The following PHPT1 variants were observed in gnomAD, a reference collection of about 807,000 sequenced individuals.
PHPT1 encodes the protein phosphohistidine phosphatase 1.
A neutral mutation model predicts 15.6 loss-of-function variants in PHPT1; 16 were observed. That is an observed-to-expected ratio of 1.03 (90% confidence interval 0.70 to 1.56). The LOEUF (loss-of-function observed/expected upper bound fraction) is 1.56, where lower values mean the gene tolerates loss of function less well. PHPT1 is among the 40% of genes most tolerant of loss of function. The probability of loss-of-function intolerance (pLI) is 0.00; values close to 1 mark genes in which losing one functional copy is unlikely to be tolerated. For synonymous variants in PHPT1, 102 were observed against 68.1 expected (o/e 1.50, Z -2.45); for missense variants, 228 against 171.0 (o/e 1.33, Z -1.86).
At chr9:136,849,638 G>T in intron 1 of PHPT1, 48 bp downstream of exon 1, 1 of 1,445,626 alleles carries the variant, frequency 6.9e-7, no homozygotes, top group South Asian at 1.3e-5. Context: ...TGGCGAGGCG[G>T]GGGCGGGGCT....
rs1564382956 is a variant in PHPT1, at chr9:136,850,831, C to T, written c.362C>T (p.Ala121Val). 2 of 1,612,732 alleles carry T rather than the reference C, an allele frequency of 1.2e-6. No individual in the cohort carries two copies. Among genetic ancestry groups the T allele is most frequent in the Non-Finnish European group, 1.7e-6 (2 of 1,179,656 alleles). ...AKYPDYEVTW[A>V]NDGY ...TACCCCGACTACGAGGTCACCTGGGCTAACGACGGCTACTGAGCACTCCCA... is the reference window on the plus strand; with the variant it reads ...TACCCCGACTACGAGGTCACCTGGGTTAACGACGGCTACTGAGCACTCCCA... The change falls in exon 3 of 3, where the codon GCT becomes GTT. Residue 121 changes from alanine to valine, a missense_variant. By Grantham distance (64) the Ala-to-Val change is moderately conservative. Transcript: ENST00000247665.
At chr9:136,850,520 C>T (rs1016374763) in intron 2 of PHPT1, 5 of 1,611,948 alleles carry the variant, frequency 3.1e-6, no homozygotes, top group Middle Eastern at 1.7e-4. Flanking sequence ...GACCCACGTG[C>T]GTCCCTCTGG....
intron 2 of PHPT1, 52 bp from the exon 3 acceptor site, chr9:136,850,703 G>A: frequency 2.0e-6 from 3 of 1,533,880 alleles, no homozygotes; most frequent in Non-Finnish European, 2.7e-6. Flanking sequence ...CCAGAGCCGG[G>A]TATCGGGTTG....
At chr9:136,850,633 C>A in intron 2 of PHPT1, 122 bp from the exon 3 acceptor site, 3 of 1,513,610 alleles carry the variant, frequency 2.0e-6, no homozygotes, top group Non-Finnish European at 2.7e-6. Context: ...GGTTTGGCAT[C>A]CCCAGGCACT....
At chr9:136,849,813 C>A (rs1848860675) in intron 1 of PHPT1, 200 bp from the exon 2 acceptor site, 6 of 712,716 alleles carry the variant, frequency 8.4e-6, no homozygotes, top group Non-Finnish European at 1.1e-5. Context: ...GACACCCTCC[C>A]CAGCAGTCTC....
chr9:136,850,533 G>A (rs370032563), intron 2 of PHPT1: 7 of 1,612,012 alleles, frequency 4.3e-6, no homozygotes, highest in South Asian at 1.1e-5. Context: ...CCCTCTGGGC[G>A]CCTCAGGCCC....
In PHPT1 at chr9:136,850,116, T is replaced by A; in HGVS notation, c.264T>A (p.Ile88=). ...RISHQSQDKK[I]HVYGYSMAYG... ...CCCACCAGAGTCAGGACAAGAAGAT[T>A]CACGTGTACGGCTATTCCATGGTGA... Residue 88 remains isoleucine (I), a synonymous_variant, in exon 2 of 3, where the codon ATT becomes ATA. Transcript: ENST00000247665. 6.2e-7 allele frequency: 1 copy of A among 1,613,102 alleles called. No individual in the cohort carries two copies. The highest frequency in any genetic ancestry group is 8.5e-7 in the Non-Finnish European group (1 of 1,179,900).
intron 1 of PHPT1, 111 bp downstream of exon 1, chr9:136,849,701 G>T (rs1040065116): frequency 7.3e-6 from 5 of 684,170 alleles, no homozygotes; most frequent in Admixed American, 8.4e-5. Flanking sequence ...CGGGGCGGGG[G>T]CGGGGCTGCG....
Position 136,850,126 on chromosome 9 carries a change from G to C in PHPT1, c.274G>C (p.Gly92Arg), listed in dbSNP as rs1335464090. 1 of 1,613,032 alleles carries C rather than the reference G, an allele frequency of 6.2e-7. No homozygotes were observed. Among genetic ancestry groups the C allele is most frequent in the African/African-American group, 1.3e-5 (1 of 74,932 alleles). Residue 92 changes from glycine to arginine, a missense_variant, in exon 2 of 3, where the codon GGC becomes CGC. Gly to Arg is a moderately radical substitution (Grantham distance 125). Transcript: ENST00000247665. ...QSQDKKIHVY[G>R]YSMAYGPAQH... ...TCAGGACAAGAAGATTCACGTGTAC[G>C]GCTATTCCATGGTGAGCCGCAGCCC...
chr9:136,850,628 G>C lies in PHPT1; in HGVS notation c.286-127G>C, dbSNP rs1588388127. 5 of 1,514,000 alleles carry C rather than the reference G, an allele frequency of 3.3e-6. No homozygotes were observed. In the African/African-American group the frequency reaches 6.8e-5, roughly 21 times the overall value. 93.8% of individuals were successfully genotyped at this position (1,514,000 alleles called of 1,614,324 possible). A position where few individuals can be genotyped will look rare whatever the true frequency, so the allele number is the denominator to read the frequency against. ...CAAGGGCGGTCGGGATGGTGGGTTT[G>C]GCATCCCCAGGCACTGCCTATCCCT... On this transcript the variant is annotated intron_variant, in intron 2 of 2. Coordinates refer to ENST00000247665, the MANE Select transcript of PHPT1 (RefSeq NM_014172.6).
chr9:136,849,713 G>C (rs887676348), intron 1 of PHPT1, 123 bp downstream of exon 1: 4 of 809,220 alleles, frequency 4.9e-6, no homozygotes, highest in Non-Finnish European at 7.1e-6. Flanking sequence ...GGGGCTGCGG[G>C]CCGTAGCGGA....
rs887313973 is a variant in PHPT1 at position 136,850,885 on chromosome 9, C to T, written c.*38C>T. 19 of 1,468,746 alleles carry T rather than the reference C, an allele frequency of 1.3e-5. No individual in the cohort carries two copies. Among genetic ancestry groups the T allele is most frequent in the Non-Finnish European group, 1.8e-5 (19 of 1,048,698 alleles). 91.0% of individuals were successfully genotyped at this position (1,468,746 alleles called of 1,614,324 possible). A position where few individuals can be genotyped will look rare whatever the true frequency, so the allele number is the denominator to read the frequency against. ...CGGGGCCTGCTGCCTCCAGCAGCCA[C>T]TTCAGAGCCCCCGCCTTTGCCTGCA... is the stretch of plus-strand genomic sequence containing the variant. On this transcript the variant is annotated 3_prime_UTR_variant, in exon 3 of 3. Coordinates refer to ENST00000247665, the MANE Select transcript of PHPT1 (RefSeq NM_014172.6).
Position 136,849,461 on chromosome 9 carries a change from G to A in PHPT1, c.31G>A (p.Asp11Asn), listed in dbSNP as rs1170616635. 3.1e-6 allele frequency: 5 copies of A among 1,610,974 alleles called. No individual in the cohort carries two copies. Among genetic ancestry groups the A allele is most frequent in the Non-Finnish European group, 3.4e-6 (4 of 1,179,108 alleles). MAVADLALIP[D>N]VDIDSDGVFK... ...GGTGGCGGACCTCGCTCTCATTCCT[G>A]ATGTGGACATCGACTCCGACGGCGT... is the stretch of plus-strand genomic sequence containing the variant. Residue 11 changes from aspartate to asparagine, a missense_variant, in exon 1 of 3, where the codon GAT (aspartate) becomes AAT (asparagine). By Grantham distance (23) the Asp-to-Asn change is conservative. Coordinates refer to ENST00000247665, the MANE Select transcript of PHPT1 (RefSeq NM_014172.6).
At chr9:136,849,673 A>C in intron 1 of PHPT1, 83 bp downstream of exon 1, 1 of 114,922 alleles carries the variant, frequency 8.7e-6, no homozygotes, top group Non-Finnish European at 1.3e-5. Flanking sequence ...GGGGCTGACG[A>C]GGCAGGGGCG....
At chr9:136,850,279 C>G in intron 2 of PHPT1, 142 bp downstream of exon 2, 1 of 1,079,186 alleles carries the variant, frequency 9.3e-7, no homozygotes, top group Non-Finnish European at 1.4e-6. Flanking sequence ...AGAGCCCTCC[C>G]TCCAGGGCCC....
rs748046449 is a variant in PHPT1, at chr9:136,850,866, C to G, written c.*19C>G. On this transcript the variant is annotated 3_prime_UTR_variant, in exon 3 of 3. Transcript: ENST00000247665. ...CTACTGAGCACTCCCAGCCCGGGGCCTGCTGCCTCCAGCAGCCACTTCAGA... is the reference window on the plus strand; with the variant it reads ...CTACTGAGCACTCCCAGCCCGGGGCGTGCTGCCTCCAGCAGCCACTTCAGA... 1 of 1,586,084 alleles carries G rather than the reference C, an allele frequency of 6.3e-7. No individual in the cohort carries two copies. Among genetic ancestry groups the G allele is most frequent in the African/African-American group, 1.3e-5 (1 of 74,386 alleles).
chr9:136,849,943 C>T (rs1332903708), intron 1 of PHPT1, 70 bp from the exon 2 acceptor site: 2 of 1,517,444 alleles, frequency 1.3e-6, no homozygotes, highest in Non-Finnish European at 1.8e-6. Flanking sequence ...CAGACCCCTT[C>T]GGCTGGGAGT....
At position 136,849,467 on chromosome 9, in the gene PHPT1, G is replaced by C; in HGVS notation, c.37G>C (p.Asp13His). Residue 13 changes from aspartate (D) to histidine (H), a missense_variant, in exon 1 of 3, where the codon GAC becomes CAC. By Grantham distance (81) the Asp-to-His change is moderately conservative. Coordinates refer to ENST00000247665, the MANE Select transcript of PHPT1 (RefSeq NM_014172.6). ...VADLALIPDV[D>H]IDSDGVFKYV... ...GGACCTCGCTCTCATTCCTGATGTG[G>C]ACATCGACTCCGACGGCGTCTTCAA... 1 of 1,611,114 alleles carries C rather than the reference G, an allele frequency of 6.2e-7. No individual in the cohort carries two copies. The highest frequency in any genetic ancestry group is 1.1e-5 in the South Asian group (1 of 90,770).
chr9:136,849,933 C>A, intron 1 of PHPT1, 80 bp from the exon 2 acceptor site: 1 of 1,449,072 alleles, frequency 6.9e-7, no homozygotes, highest in Non-Finnish European at 9.5e-7. Flanking sequence ...GCTGGGATTT[C>A]AGACCCCTTC....
Sources: gnomAD v4.1 joint callset for allele counts on GRCh38, gnomAD v4.1.1 for gene constraint, MANE v1.5 for transcripts, NCBI Gene and HGNC (gene_info 2026-07-23, HGNC 2026-07-21) for gene names.